TENT2: variants seen among roughly 807,000 people sequenced by gnomAD.
TENT2 encodes poly(A) RNA polymerase GLD2.
A neutral mutation model predicts 72.2 loss-of-function variants in TENT2; 44 were observed. The ratio of observed to expected loss-of-function variants is 0.61; its 90% CI spans 0.48 to 0.78. The LOEUF (loss-of-function observed/expected upper bound fraction) is 0.78, where lower values mean the gene tolerates loss of function less well. Among genes scored for constraint, TENT2 ranks in the 30% least tolerant of loss-of-function variants. TENT2 has a pLI of 0.00. For missense variants in TENT2, 541 were observed against 569.6 expected, an observed-to-expected ratio of 0.95 and a Z score of 0.51; for synonymous variants, 212 against 192.5, an observed-to-expected ratio of 1.10 and a Z score of -0.84.
intron 4 of TENT2, among the ~76,000 whole-genome samples, chr5:79,629,883 C>T (rs1773784141): frequency 6.6e-6 from 1 of 151,770 alleles, no homozygotes; most frequent in South Asian, 2.1e-4. Flanking sequence ...CCTGTAATCC[C>T]AGCGCTTTGG....
intron 4 of TENT2, among the ~76,000 whole-genome samples, chr5:79,635,617 C>T (rs752908880): frequency 1.3e-5 from 2 of 152,018 alleles, no homozygotes; most frequent in African/African-American, 2.4e-5. Context: ...TGCAGTTGCG[C>T]GATCTCGGCT....
Position 79,686,482 on chromosome 5 carries a change from C to T in TENT2, c.*1209C>T, listed in dbSNP as rs1013436487. 3.3e-5 allele frequency: 5 copies of T among 151,794 alleles called. No homozygotes were observed. The highest frequency in any genetic ancestry group is 1.2e-4 in the African/African-American group (5 of 41,322). The allele number at this position is 151,794 out of a possible 1,614,324, so 9.4% of individuals were successfully genotyped here. A position where few individuals can be genotyped will look rare whatever the true frequency, so the allele number is the denominator to read the frequency against. On this transcript the variant is annotated 3_prime_UTR_variant, in exon 15 of 15. Coordinates refer to ENST00000453514, the MANE Select transcript of TENT2 (RefSeq NM_001114394.3). ...GAACTATGTCCAACATTTTTTAGAC[C>T]TGCTGTAGTACAGTTTTGTACCTCT...
intron 13 of TENT2, among the ~76,000 whole-genome samples, chr5:79,681,399 C>T (rs1396549698): frequency 4.6e-5 from 7 of 151,756 alleles, no homozygotes. Flanking sequence ...ACCTTGTGAT[C>T]CACCCACCTC....
intron 12 of TENT2, among the ~76,000 whole-genome samples, chr5:79,675,343 G>C (rs1816396028): frequency 6.6e-6 from 1 of 152,168 alleles, no homozygotes; most frequent in Non-Finnish European, 1.5e-5. Context: ...CAGTGTGGTT[G>C]GAGCTAGTAG....
rs1826189963 is a variant in TENT2 at position 79,686,819 on chromosome 5, T to C, written c.*1546T>C. ...ACACATAGTGAATTTTTTAGATTCC[T>C]GATGTGTAACACTTTTTATGCATTT... On this transcript the variant is annotated 3_prime_UTR_variant, in exon 15 of 15. Transcript: ENST00000453514. Among the ~76,000 whole-genome samples the C allele has an allele frequency of 1.3e-5, 2 of 152,212 alleles. No homozygotes were observed.
intron 10 of TENT2, among the ~76,000 whole-genome samples, chr5:79,653,458 A>G (rs1240391588): frequency 1.3e-5 from 2 of 152,216 alleles, no homozygotes; most frequent in East Asian, 1.9e-4. Flanking sequence ...ATGCCACTGC[A>G]TTTCAGCCTG....
intron 4 of TENT2, among the ~76,000 whole-genome samples, chr5:79,633,370 A>C (rs2150229090): frequency 6.6e-6 from 1 of 150,942 alleles, no homozygotes; most frequent in Middle Eastern, 3.5e-3. Context: ...TGTAGATAGC[A>C]CTTAGGCAAA....
At position 79,656,792 on chromosome 5, in the gene TENT2, T is replaced by C; in HGVS notation, c.1028-166T>C. The C allele has an allele frequency of 5.8e-6, 3 of 519,514 alleles. 1 individual carries two copies. The highest frequency in any genetic ancestry group is 1.0e-5 in the Non-Finnish European group (3 of 294,858). 32.2% of individuals were successfully genotyped at this position (519,514 alleles called of 1,614,324 possible). On this transcript the variant is annotated intron_variant, in intron 10 of 14. Coordinates refer to ENST00000453514, the MANE Select transcript of TENT2 (RefSeq NM_001114394.3). ...CTTAGTTTGTCAACTTAAATATATT[T>C]TAAATACAAACTTAGGGATAAGAAT...
intron 4 of TENT2, among the ~76,000 whole-genome samples, chr5:79,629,267 T>A (rs1168675464): frequency 6.6e-6 from 1 of 152,226 alleles, no homozygotes; most frequent in Non-Finnish European, 1.5e-5. Context: ...ACCAATCACA[T>A]ATAAGTTAAT....
intron 12 of TENT2, among the ~76,000 whole-genome samples, chr5:79,671,541 AT>A (rs1171461162): frequency 6.6e-6 from 1 of 151,640 alleles, no homozygotes; most frequent in Admixed American, 6.6e-5. Context: ...AGTAGCTGGG[AT>A]TCCAGGTGCG....
chr5:79,636,708 T>C (rs1343557276), intron 4 of TENT2, among the ~76,000 whole-genome samples: 2 of 152,136 alleles, frequency 1.3e-5, no homozygotes, highest in Admixed American at 6.5e-5. Context: ...TCCTTGACAA[T>C]AGTCTTTTGA....
intron 3 of TENT2, among the ~76,000 whole-genome samples, chr5:79,620,787 A>G (rs947160894): frequency 2.0e-5 from 3 of 152,204 alleles, no homozygotes. Flanking sequence ...GGACACAATT[A>G]TAGCATTTTC....
chr5:79,664,392 C>T (rs62365232), intron 11 of TENT2, among the ~76,000 whole-genome samples: 30,760 of 151,826 alleles, frequency 0.2, 4,600 homozygotes, highest in African/African-American at 0.42. Context: ...GTAATGAGAT[C>T]GAGATCATCC....
At chr5:79,620,155 T>A in intron 3 of TENT2, 72 bp downstream of exon 3, 3 of 1,051,510 alleles carry the variant, frequency 2.9e-6, no homozygotes, top group South Asian at 2.8e-5. Context: ...GTATCTTGAA[T>A]TAATATTGTA....
intron 11 of TENT2, among the ~76,000 whole-genome samples, chr5:79,658,653 T>TA (rs1414418010): frequency 6.6e-6 from 1 of 152,218 alleles, no homozygotes; most frequent in Admixed American, 6.5e-5. Flanking sequence ...AAGGAGCTAA[T>TA]AAACTTATCC....
chr5:79,683,147 TA>T (rs535249441), intron 14 of TENT2, among the ~76,000 whole-genome samples: 49 of 148,430 alleles, frequency 3.3e-4, no homozygotes, highest in East Asian at 5.9e-4. Flanking sequence ...ACTCCACCTC[TA>T]AAAAAAAAAT....
At chr5:79,683,304 C>T (rs941711062) in intron 14 of TENT2, among the ~76,000 whole-genome samples, 7 of 142,814 alleles carry the variant, frequency 4.9e-5, no homozygotes, top group Non-Finnish European at 8.9e-5. Flanking sequence ...CACACATGCA[C>T]GCACATGCTC....
chr5:79,626,625 A>ATT (rs564494148), intron 4 of TENT2, among the ~76,000 whole-genome samples: 16,624 of 134,386 alleles, frequency 0.12, 1,178 homozygotes, highest in East Asian at 0.29. Flanking sequence ...AATGTTTTTA[A>ATT]TTTTTTTTTT....
intron 10 of TENT2, among the ~76,000 whole-genome samples, chr5:79,650,462 A>G (rs1369269578): frequency 1.3e-5 from 2 of 152,144 alleles, no homozygotes; most frequent in South Asian, 2.1e-4. Context: ...ATAGAGCACT[A>G]TCAACATGTG....
Sources: allele counts gnomAD v4.1 joint callset (sites outside exome capture counted in the v4.1 genomes callset), GRCh38; gene constraint gnomAD v4.1.1; transcripts MANE v1.5; gene names NCBI Gene and HGNC (gene_info 2026-07-23, HGNC 2026-07-21).